Variants in USH2A observed in about 807,000 individuals in gnomAD.
The protein encoded by USH2A is Usher syndrome 2A (autosomal recessive, mild).
A neutral mutation model predicts 538.9 loss-of-function variants in USH2A; 443 were observed. That is an observed-to-expected ratio of 0.82 (90% CI 0.76 to 0.89). The LOEUF (loss-of-function observed/expected upper bound fraction) is 0.89, where lower values mean the gene tolerates loss of function less well. Among genes scored for constraint, USH2A ranks in the 40% least tolerant of loss-of-function variants. The pLI, the probability that USH2A is intolerant of heterozygous loss-of-function variation, is 0.00. For synonymous variants in USH2A, 2,413 were observed against 2,273.5 expected, an observed-to-expected ratio of 1.06 and a Z score of -1.75; for missense variants, 6,633 against 6,324.8, an observed-to-expected ratio of 1.05 and a Z score of -1.65.
rs373676724 is a variant in USH2A at position 216,415,698 on chromosome 1, G to T, written c.651+2816C>A. 1.1e-4 allele frequency among the ~76,000 whole-genome samples: 17 copies of T among 151,438 alleles called. 1 individual carries two copies. Among genetic ancestry groups the T allele is most frequent in the Admixed American group, 4.0e-4 (6 of 15,172 alleles). The stretch of plus-strand genomic sequence containing the variant: ...ATCACACCTGGCTAATTTTTTTAGG[G>T]TGTTTTTTCGTAGAGATGAGGTTTT... On this transcript the variant is annotated intron_variant, in intron 3 of 71. Transcript: ENST00000307340.
At chr1:216,376,578 A>T (rs1374789960) in intron 3 of USH2A, among the ~76,000 whole-genome samples, 4 of 152,184 alleles carry the variant, frequency 2.6e-5, no homozygotes. Context: ...ATAGTTTTTT[A>T]AAAATCTCTT....
chr1:215,978,592 A>G (rs1355095835), intron 35 of USH2A, among the ~76,000 whole-genome samples: 1 of 152,232 alleles, frequency 6.6e-6, no homozygotes, highest in East Asian at 1.9e-4. Flanking sequence ...AAAGAGTTAA[A>G]CATAGGTATA....
In USH2A at chr1:215,695,631, T is replaced by C. The variant is rs538903765; in HGVS notation, c.12067-15255A>G. Reference sequence around the variant, plus strand: ...TTTTGTAAGGAAGAGAAAAGGCAAGTATAGAACCCAAGCCTGTACAGAAGC... The same window carrying C: ...TTTTGTAAGGAAGAGAAAAGGCAAGCATAGAACCCAAGCCTGTACAGAAGC... On this transcript the variant is annotated intron_variant, in intron 61 of 71. Coordinates refer to ENST00000307340, the MANE Select transcript of USH2A (RefSeq NM_206933.4). Among the ~76,000 whole-genome samples, 13 of 152,264 alleles carry C rather than the reference T, an allele frequency of 8.5e-5. No homozygotes were observed. The South Asian group carries it at 2.1e-3, about 24-fold the overall frequency.
intron 38 of USH2A, among the ~76,000 whole-genome samples, chr1:215,913,765 C>T (rs377663292): frequency 7.3e-5 from 11 of 151,626 alleles, no homozygotes; most frequent in African/African-American, 2.4e-4. Flanking sequence ...AAGTTGAGTG[C>T]AGAATGTGAA....
intron 35 of USH2A, among the ~76,000 whole-genome samples, chr1:215,982,162 T>C (rs1667767215): frequency 6.6e-6 from 1 of 152,200 alleles, no homozygotes; most frequent in Admixed American, 6.5e-5. Flanking sequence ...CTTTAAAACT[T>C]GGTTAGATAG....
At chr1:216,414,625 C>T (rs1196873611) in intron 3 of USH2A, among the ~76,000 whole-genome samples, 3 of 151,928 alleles carry the variant, frequency 2.0e-5, no homozygotes, top group African/African-American at 7.3e-5. Flanking sequence ...AATTTTATGC[C>T]ACCAGGTATA....
rs759206694 is a variant in USH2A at position 215,867,081 on chromosome 1, A to T, written c.8771T>A (p.Leu2924His). The T allele has an allele frequency of 6.2e-7, 1 of 1,614,182 alleles. No individual in the cohort carries two copies. Among genetic ancestry groups the T allele is most frequent in the South Asian group, 1.1e-5 (1 of 91,082 alleles). Residue 2924 changes from leucine to histidine, a missense_variant, in exon 44 of 72, where the codon CTT becomes CAT. Leu to His is a moderately conservative substitution (Grantham distance 99, BLOSUM62 -3). Coordinates refer to ENST00000307340, the MANE Select transcript of USH2A (RefSeq NM_206933.4). ...AGTGAGATTGGCTCCTCTCTCTGGA[A>T]GACCAGCTAACGTTGTCACAGTCAC... is the stretch of plus-strand genomic sequence containing the variant. ...REVTVTTLAGLPERGANLTAS... is the reference protein window; with the variant it reads ...REVTVTTLAGHPERGANLTAS...
intron 30 of USH2A, among the ~76,000 whole-genome samples, chr1:216,054,442 A>G (rs1010454204): frequency 2.0e-5 from 3 of 152,098 alleles, no homozygotes; most frequent in African/African-American, 7.2e-5. Flanking sequence ...CTAATGGGAC[A>G]CCGTATGCTG....
intron 40 of USH2A, among the ~76,000 whole-genome samples, chr1:215,895,402 CA>C (rs1388511898): frequency 4.6e-5 from 7 of 152,128 alleles, no homozygotes; most frequent in Non-Finnish European, 1.0e-4. Context: ...AAGGGAGCAA[CA>C]AGAAGGAAAA....
rs2102823095 is a variant in USH2A at position 215,845,849 on chromosome 1, T to C, written c.9030A>G (p.Gly3010=). ...FNGVHSINSA[G]LHATTCDGEP... ...CCCCATCGCAAGTGGTTGCATGAAG[T>C]CCTGCACTGTTGATGCTGTGGACTC... Residue 3010 remains glycine (G), a synonymous_variant, in exon 45 of 72, where the codon GGA becomes GGG. Transcript: ENST00000307340. 6.2e-7 allele frequency: 1 copy of C among 1,613,840 alleles called. No individual in the cohort carries two copies. The highest frequency in any genetic ancestry group is 8.5e-7 in the Non-Finnish European group (1 of 1,179,872).
At chr1:215,662,022 G>A (rs768300547) in intron 64 of USH2A, among the ~76,000 whole-genome samples, 15 of 152,176 alleles carry the variant, frequency 9.9e-5, no homozygotes, top group African/African-American at 3.6e-4. Flanking sequence ...AGGGGAGAGT[G>A]CATGGATTTT....
At chr1:216,152,484 C>T (rs368415853) in intron 21 of USH2A, among the ~76,000 whole-genome samples, 30 of 150,888 alleles carry the variant, frequency 2.0e-4, no homozygotes, top group Non-Finnish European at 2.7e-4. Context: ...GAGCACCTTG[C>T]GACCCCCACT....
intron 4 of USH2A, among the ~76,000 whole-genome samples, chr1:216,364,044 A>G (rs1003279759): frequency 6.6e-6 from 1 of 150,658 alleles, no homozygotes; most frequent in African/African-American, 2.4e-5. Flanking sequence ...AGCATATATT[A>G]TATAATAATA....
Position 215,675,720 on chromosome 1 carries a change from G to A in USH2A, c.12295-104C>T, listed in dbSNP as rs747681345. 4.8e-4 allele frequency: 758 copies of A among 1,586,674 alleles called. 1 individual carries two copies. Among genetic ancestry groups the A allele is most frequent in the Non-Finnish European group, 5.7e-4 (664 of 1,166,678 alleles). On this transcript the variant is annotated intron_variant, in intron 62 of 71. Coordinates refer to ENST00000307340, the MANE Select transcript of USH2A (RefSeq NM_206933.4). ...TCACCCCCTTGTTCCTTATTTTGAT[G>A]ACCCTAATTTAGAAGAAGTATTCTG... is the stretch of plus-strand genomic sequence containing the variant.
chr1:215,934,016 GAAATATTTAAAATAAA>G (rs1436266837), intron 38 of USH2A, among the ~76,000 whole-genome samples: 9 of 151,858 alleles, frequency 5.9e-5, no homozygotes, highest in Non-Finnish European at 1.0e-4. Flanking sequence ...GATTTTTATA[GAAATATTTAAAATAAA>G]AATATGCAGA....
At chr1:215,767,477 T>G (rs148847893) in intron 55 of USH2A, among the ~76,000 whole-genome samples, 295 of 152,330 alleles carry the variant, frequency 1.9e-3, no homozygotes, top group African/African-American at 6.7e-3. Flanking sequence ...CGCCCTTTTT[T>G]GAGGTGTGTT....
chr1:215,858,532 C>G (rs537897368), intron 44 of USH2A, among the ~76,000 whole-genome samples: 1 of 149,480 alleles, frequency 6.7e-6, no homozygotes, highest in Non-Finnish European at 1.5e-5. Flanking sequence ...CTGCCATGAT[C>G]GTAAGTTTCC....
At chr1:215,666,427 A>T (rs1657606940) in intron 64 of USH2A, among the ~76,000 whole-genome samples, 1 of 152,228 alleles carries the variant, frequency 6.6e-6, no homozygotes, top group Non-Finnish European at 1.5e-5. Flanking sequence ...ATAGGCTATT[A>T]TCAATGATCA....
At chr1:216,072,334 G>C (rs1177660708) in intron 29 of USH2A, 1 of 174,490 alleles carries the variant, frequency 5.7e-6, no homozygotes, top group East Asian at 1.5e-4. Flanking sequence ...CTCCTAGTTG[G>C]TTCTTTTCCA....
Sources: allele counts gnomAD v4.1 joint callset (sites outside exome capture counted in the v4.1 genomes callset), GRCh38; gene constraint gnomAD v4.1.1; transcripts MANE v1.5; gene names NCBI Gene and HGNC (gene_info 2026-07-23, HGNC 2026-07-21).